PLCE1: variants seen among roughly 807,000 people sequenced by gnomAD.
PLCE1 encodes the protein phospholipase C epsilon 1, also known as 1-phosphatidylinositol 4,5-bisphosphate phosphodiesterase epsilon-1.
A neutral mutation model predicts 242.8 loss-of-function variants in PLCE1; 119 were observed. That is an observed-to-expected ratio of 0.49 (90% CI 0.42 to 0.57). PLCE1 has a LOEUF of 0.57. Among genes scored for constraint, PLCE1 ranks in the 20% least tolerant of loss-of-function variants. The pLI, the probability that PLCE1 is intolerant of heterozygous loss-of-function variation, is 0.00. For missense variants in PLCE1, 2,441 were observed against 2,788.8 expected (o/e 0.88, Z 2.81); for synonymous variants, 945 against 1,017.4 (o/e 0.93, Z 1.35).
Position 94,031,549 on chromosome 10 carries a change from A to C in PLCE1, c.503A>C (p.Asn168Thr). 2 of 1,612,404 alleles carry C rather than the reference A, an allele frequency of 1.2e-6. No homozygotes were observed. Reference protein sequence around the residue: ...RPSMGISPLGNQSVIIETGRA... With the variant: ...RPSMGISPLGTQSVIIETGRA... Reference sequence around the variant, plus strand: ...TCCATGGGCATTAGTCCTTTAGGAAATCAGTCAGTGATCATAGAGACAGGC... The same window carrying C: ...TCCATGGGCATTAGTCCTTTAGGAACTCAGTCAGTGATCATAGAGACAGGC... The change falls in exon 2 of 33, where the codon AAT becomes ACT. Residue 168 changes from asparagine to threonine, a missense_variant. Asn to Thr is a moderately conservative substitution (Grantham distance 65). This residue lies in a region of PLCE1 where 393 missense variants were observed against 378.5 expected (regional missense o/e 1.04). Transcript: ENST00000371380.
rs977672107 is a variant in PLCE1 at position 94,252,181 on chromosome 10, TG to T, written c.3097-132del. ...TCTTGTGAGTTAGAAAACAGTCACT[TG>T]GGTGGCCAGATCATTATTCTTCTGT... is the stretch of plus-strand genomic sequence containing the variant. On this transcript the variant is annotated intron_variant, in intron 8 of 32. Coordinates refer to ENST00000371380, the MANE Select transcript of PLCE1 (RefSeq NM_016341.4). 7 of 741,064 alleles carry T rather than the reference TG, an allele frequency of 9.4e-6. No homozygotes were observed. In the African/African-American group the frequency reaches 1.0e-4, roughly 11 times the overall value. 45.9% of individuals were successfully genotyped at this position (741,064 alleles called of 1,614,324 possible).
Position 94,246,138 on chromosome 10 carries a change from C to T in PLCE1, c.2613C>T (p.Asp871=). 1 of 1,614,130 alleles carries T rather than the reference C, an allele frequency of 6.2e-7. No homozygotes were observed. Among genetic ancestry groups the T allele is most frequent in the Non-Finnish European group, 8.5e-7 (1 of 1,180,018 alleles). Residue 871 remains aspartate, a synonymous_variant, in exon 8 of 33, where the codon GAC becomes GAT. Coordinates refer to ENST00000371380, the MANE Select transcript of PLCE1 (RefSeq NM_016341.4). ...AGGGGGCCACGGTCATCCACTACGACCAGGACACACACCTCTCTGCCCGCT... is the reference window on the plus strand; with the variant it reads ...AGGGGGCCACGGTCATCCACTACGATCAGGACACACACCTCTCTGCCCGCT... ...LLQGATVIHY[D]QDTHLSARCF...
chr10:94,026,986 A>G (rs2061462300), intron 1 of PLCE1, among the ~76,000 whole-genome samples: 1 of 152,150 alleles, frequency 6.6e-6, no homozygotes, highest in Admixed American at 6.5e-5. Context: ...AGGTGATTTT[A>G]TTTCTATTTT....
At chr10:94,228,713 T>C (rs1589383715) in intron 5 of PLCE1, among the ~76,000 whole-genome samples, 1 of 152,206 alleles carries the variant, frequency 6.6e-6, no homozygotes, top group Middle Eastern at 3.4e-3. Flanking sequence ...TTTTCAACTT[T>C]CTTAACTTAG....
rs2050037372 is a variant in PLCE1 at position 94,228,766 on chromosome 10, T to C, written c.1955+1315T>C. Among the ~76,000 whole-genome samples, 3 of 151,628 alleles carry C rather than the reference T, an allele frequency of 2.0e-5. No individual in the cohort carries two copies. The South Asian group carries it at 6.3e-4, about 32-fold the overall frequency. On this transcript the variant is annotated intron_variant, in intron 5 of 32. Coordinates refer to ENST00000371380, the MANE Select transcript of PLCE1 (RefSeq NM_016341.4). ...ATGTCCTTGACATTTAAAATAGTCATACAAATGCATCAGGCATGGCTCAAA... is the reference window on the plus strand; with the variant it reads ...ATGTCCTTGACATTTAAAATAGTCACACAAATGCATCAGGCATGGCTCAAA...
chr10:94,269,046 C>T lies in PLCE1; in HGVS notation c.4389+10C>T. 8.7e-7 allele frequency: 1 copy of T among 1,153,424 alleles called. No homozygotes were observed. The highest frequency in any genetic ancestry group is 1.3e-6 in the Non-Finnish European group (1 of 785,934). The allele number at this position is 1,153,424 out of a possible 1,614,324, so 71.4% of individuals were successfully genotyped here. A position where few individuals can be genotyped will look rare whatever the true frequency, so the allele number is the denominator to read the frequency against. Reference sequence around the variant, plus strand: ...CAAGATCCCCTTCAAGGTAATCCTTCATAACTTTCTTTAAATCAAATCACA... The same window carrying T: ...CAAGATCCCCTTCAAGGTAATCCTTTATAACTTTCTTTAAATCAAATCACA... On this transcript the variant is annotated intron_variant, in intron 17 of 32. Coordinates refer to ENST00000371380, the MANE Select transcript of PLCE1 (RefSeq NM_016341.4).
At chr10:94,002,148 A>G (rs1011854062) in intron 1 of PLCE1, among the ~76,000 whole-genome samples, 1 of 152,184 alleles carries the variant, frequency 6.6e-6, no homozygotes, top group African/African-American at 2.4e-5. Flanking sequence ...AATCTAAGAG[A>G]AGAAGGCAGG....
intron 2 of PLCE1, among the ~76,000 whole-genome samples, chr10:94,077,036 C>G (rs991618142): frequency 2.0e-5 from 3 of 152,192 alleles, no homozygotes; most frequent in African/African-American, 7.2e-5. Context: ...TTTTGCATAC[C>G]TATCCAGACT....
chr10:94,233,201 G>T (rs1339639680), intron 5 of PLCE1, among the ~76,000 whole-genome samples: 2 of 152,180 alleles, frequency 1.3e-5, no homozygotes, highest in Admixed American at 1.3e-4. Context: ...AATAGGGAAA[G>T]TCCCACTTAA....
chr10:93,995,002 C>A lies in PLCE1; in HGVS notation c.-365+744C>A, dbSNP rs112148168. On this transcript the variant is annotated intron_variant, in intron 1 of 32. Coordinates refer to ENST00000371380, the MANE Select transcript of PLCE1 (RefSeq NM_016341.4). ...TCAGTTGCATTATGCAAAATTTGCC[C>A]GTAGGTCTTTTAGATCTCTGCAGGA... 7.8e-3 allele frequency among the ~76,000 whole-genome samples: 1,186 copies of A among 152,230 alleles called. 7 individuals are homozygous for A. The highest frequency in any genetic ancestry group is 0.027 in the African/African-American group (1,136 of 41,530).
chr10:94,146,077 G>A (rs1223631), intron 3 of PLCE1, among the ~76,000 whole-genome samples: 130,659 of 152,108 alleles, frequency 0.86, 58,284 homozygotes, highest in South Asian at 0.98. Flanking sequence ...TGAACCTAAA[G>A]CATTAGAGAG....
At chr10:94,266,651 G>A (rs2051528369) in intron 16 of PLCE1, among the ~76,000 whole-genome samples, 1 of 152,156 alleles carries the variant, frequency 6.6e-6, no homozygotes, top group South Asian at 2.1e-4. Flanking sequence ...CTTTCAAGAA[G>A]GGTCAATTCG....
In PLCE1 at chr10:94,171,368, C is replaced by T. The variant is rs186743876; in HGVS notation, c.1681C>T (p.Arg561Trp). The T allele has an allele frequency of 2.0e-4, 317 of 1,614,164 alleles. No homozygotes were observed. The highest frequency in any genetic ancestry group is 5.0e-5 in the Admixed American group (3 of 60,018). ...AGTCGACTACCTTTGCTTCTTAACA[C>T]GGGACTTGGGCACTCCTGAATGCCA... is the stretch of plus-strand genomic sequence containing the variant. ...LPVDYLCFLT[R>W]DLGTPECQSS... is the part of the protein sequence containing the mutation. Residue 561 changes from arginine (R) to tryptophan (W), a missense_variant, in exon 4 of 33, where the codon CGG becomes TGG. Physicochemically the swap from Arg to Trp is moderately radical, Grantham distance 101. Around this residue, in one of 5 missense-constraint regions of PLCE1, gnomAD observed 733 missense variants for 754.2 expected, o/e 0.97. Coordinates refer to ENST00000371380, the MANE Select transcript of PLCE1 (RefSeq NM_016341.4).
intron 4 of PLCE1, among the ~76,000 whole-genome samples, chr10:94,221,417 T>C (rs2049739566): frequency 6.6e-6 from 1 of 152,236 alleles, no homozygotes; most frequent in African/African-American, 2.4e-5. Context: ...GGTATGGATG[T>C]GCACTACACA....
chr10:94,169,522 A>C (rs1051793255), intron 3 of PLCE1, among the ~76,000 whole-genome samples: 10 of 152,180 alleles, frequency 6.6e-5, no homozygotes, highest in Non-Finnish European at 1.3e-4. Flanking sequence ...AAGATGGAAG[A>C]AATATAAGGT....
intron 2 of PLCE1, among the ~76,000 whole-genome samples, chr10:94,069,690 A>C (rs908279832): frequency 4.6e-5 from 7 of 152,240 alleles, no homozygotes; most frequent in African/African-American, 1.7e-4. Context: ...GTCAGAATTC[A>C]GGTTAATATC....
intron 1 of PLCE1, among the ~76,000 whole-genome samples, chr10:94,011,267 C>G (rs899722657): frequency 6.6e-6 from 1 of 152,046 alleles, no homozygotes; most frequent in Admixed American, 6.6e-5. Context: ...GGGGGAGGTT[C>G]CAGATTCTTT....
chr10:94,044,900 T>C (rs2061847200), intron 2 of PLCE1, among the ~76,000 whole-genome samples: 1 of 152,256 alleles, frequency 6.6e-6, no homozygotes, highest in African/African-American at 2.4e-5. Flanking sequence ...GACATTAAAT[T>C]AATTCAGGTG....
intron 3 of PLCE1, among the ~76,000 whole-genome samples, chr10:94,157,955 G>A (rs569797694): frequency 3.3e-5 from 5 of 152,288 alleles, no homozygotes; most frequent in East Asian, 1.9e-4. Flanking sequence ...TAATAACAGC[G>A]TGGGGTGCTG....
Sources: allele counts gnomAD v4.1 joint callset (sites outside exome capture counted in the v4.1 genomes callset), GRCh38; gene constraint gnomAD v4.1.1; regional missense constraint gnomAD v4.1.1; transcripts MANE v1.5; gene names NCBI Gene and HGNC (gene_info 2026-07-23, HGNC 2026-07-21).